The following CABP1 variants were observed in gnomAD, a reference collection of about 807,000 sequenced individuals.
CABP1 encodes the protein calcium binding protein 1, also known as calcium-binding protein 1.
CABP1 carries 17 observed loss-of-function variants against 34.3 expected under a neutral mutation model. The ratio of observed to expected loss-of-function variants is 0.50; its 90% CI spans 0.34 to 0.74. The LOEUF (loss-of-function observed/expected upper bound fraction) is 0.74, where lower values mean the gene tolerates loss of function less well. Among genes scored for constraint, CABP1 ranks in the 30% least tolerant of loss-of-function variants. The pLI is 0.01. For missense variants in CABP1, 373 were observed against 511.1 expected (o/e 0.73, Z 2.61); for synonymous variants, 198 against 229.2 (o/e 0.86, Z 1.23).
intron 1 of CABP1, among the ~76,000 whole-genome samples, chr12:120,651,971 T>A (rs1879874438): frequency 6.6e-6 from 1 of 152,208 alleles, no homozygotes; most frequent in South Asian, 2.1e-4. Context: ...AGAACAAGGA[T>A]TATCCTTCTG....
intron 5 of CABP1, among the ~76,000 whole-genome samples, chr12:120,664,856 C>T (rs1880864316): frequency 1.4e-5 from 2 of 142,598 alleles, no homozygotes; most frequent in African/African-American, 5.3e-5. Flanking sequence ...GCCTGGGCAA[C>T]AGAGCAAGAC....
At chr12:120,656,716 T>A (rs1880248514) in intron 1 of CABP1, among the ~76,000 whole-genome samples, 1 of 152,090 alleles carries the variant, frequency 6.6e-6, no homozygotes. Flanking sequence ...GCCAACATGG[T>A]GAAACCCCAT....
chr12:120,655,788 G>C, intron 1 of CABP1: 1 of 1,500,302 alleles, frequency 6.7e-7, no homozygotes, highest in Non-Finnish European at 8.9e-7. Flanking sequence ...CATGCACTTG[G>C]GTGTGTGATT....
intron 1 of CABP1, among the ~76,000 whole-genome samples, chr12:120,652,955 C>T (rs1207866753): frequency 6.6e-6 from 1 of 152,128 alleles, no homozygotes; most frequent in Non-Finnish European, 1.5e-5. Flanking sequence ...GCAGCCTGCA[C>T]CAGGCTCAGA....
chr12:120,641,696 T>G lies in CABP1; in HGVS notation c.654+357T>G. 1 of 196,296 alleles carries G rather than the reference T, an allele frequency of 5.1e-6. No individual in the cohort carries two copies. 12.2% of individuals were successfully genotyped at this position (196,296 alleles called of 1,614,324 possible). A position where few individuals can be genotyped will look rare whatever the true frequency, so the allele number is the denominator to read the frequency against. On this transcript the variant is annotated intron_variant, in intron 1 of 5. Coordinates refer to ENST00000316803, the MANE Select transcript of CABP1 (RefSeq NM_001033677.2). The surrounding 1 kb of genome is among the most constrained non-coding windows in gnomAD (Gnocchi z 6.7). ...GCAGGTGGCGCCAAACCCACTCCTC[T>G]GGCCTCTGGCCAGTACCGCCAGGGA...
Position 120,641,220 on chromosome 12 carries a change from C to A in CABP1, c.535C>A (p.Leu179Ile). 1 of 1,260,262 alleles carries A rather than the reference C, an allele frequency of 7.9e-7. No homozygotes were observed. The highest frequency in any genetic ancestry group is 1.0e-6 in the Non-Finnish European group (1 of 1,003,624). The allele number at this position is 1,260,262 out of a possible 1,614,324, so 78.1% of individuals were successfully genotyped here. A position where few individuals can be genotyped will look rare whatever the true frequency, so the allele number is the denominator to read the frequency against. ...GGAGGAACGGGGACTGTCCCCGGCGCTCGGCCTCCGGGGCTCTCTGCGAGC... is the reference window on the plus strand; with the variant it reads ...GGAGGAACGGGGACTGTCCCCGGCGATCGGCCTCCGGGGCTCTCTGCGAGC... ...DGEERGLSPA[L>I]GLRGSLRARG... The change falls in exon 1 of 6, where the codon CTC becomes ATC. Residue 179 changes from leucine to isoleucine, a missense_variant. Coordinates refer to ENST00000316803, the MANE Select transcript of CABP1 (RefSeq NM_001033677.2). The surrounding 1 kb of genome is among the most constrained non-coding windows in gnomAD (Gnocchi z 6.7).
chr12:120,641,937 G>T lies in CABP1; in HGVS notation c.654+598G>T, dbSNP rs1249363023. ...AGCTGTGGCTCAAACTGGAACTTTGGGGTGGTTTAAGGAGGCTGTCACTCT... is the reference window on the plus strand; with the variant it reads ...AGCTGTGGCTCAAACTGGAACTTTGTGGTGGTTTAAGGAGGCTGTCACTCT... On this transcript the variant is annotated intron_variant, in intron 1 of 5. Coordinates refer to ENST00000316803, the MANE Select transcript of CABP1 (RefSeq NM_001033677.2). This position sits in a 1 kb window ranked among gnomAD's most constrained non-coding sequence, Gnocchi z 6.7. 2.0e-5 allele frequency among the ~76,000 whole-genome samples: 3 copies of T among 152,122 alleles called. No homozygotes were observed. The highest frequency in any genetic ancestry group is 6.5e-5 in the Admixed American group (1 of 15,280).
At chr12:120,644,132 C>G (rs1457147777) in intron 1 of CABP1, among the ~76,000 whole-genome samples, 3 of 152,172 alleles carry the variant, frequency 2.0e-5, no homozygotes, top group African/African-American at 7.2e-5. Flanking sequence ...CTGTCACTTT[C>G]GATCTCTGTG....
In CABP1 at chr12:120,641,311, GC is replaced by G; in HGVS notation, c.630del (p.Met211CysfsTer65). The G allele has an allele frequency of 7.5e-7, 1 of 1,331,642 alleles. No individual in the cohort carries two copies. The highest frequency in any genetic ancestry group is 2.0e-5 in the South Asian group (1 of 50,672). The allele number at this position is 1,331,642 out of a possible 1,614,324, so 82.5% of individuals were successfully genotyped here. On this transcript the variant is annotated frameshift_variant, in exon 1 of 6. Transcript: ENST00000316803. LOFTEE classifies it high-confidence loss of function. The surrounding 1 kb of genome is among the most constrained non-coding windows in gnomAD (Gnocchi z 6.7). ...SEADPFLHRL[R>X]PMLSSAFGQD... Reference sequence around the variant, plus strand: ...GCGGACCCGTTCCTCCACCGGCTGCGCCCCATGCTCAGCTCCGCCTTTGGCC... The same window carrying G: ...GCGGACCCGTTCCTCCACCGGCTGCGCCCATGCTCAGCTCCGCCTTTGGCC...
rs2137348248 is a variant in CABP1, at chr12:120,655,608, C to T, written c.655-4270C>T. ...GCCCTCACTGCCTTCCAGCGGGGAT[C>T]TGGCTGGAGTAGGACAAGTCTGTTT... On this transcript the variant is annotated intron_variant, in intron 1 of 5. Coordinates refer to ENST00000316803, the MANE Select transcript of CABP1 (RefSeq NM_001033677.2). 3 of 1,332,430 alleles carry T rather than the reference C, an allele frequency of 2.3e-6. No homozygotes were observed. In the South Asian group the frequency reaches 6.7e-5, roughly 30 times the overall value. 82.5% of individuals were successfully genotyped at this position (1,332,430 alleles called of 1,614,324 possible).
downstream of CABP1, among the ~76,000 whole-genome samples, chr12:120,668,305 C>T (rs963404219): frequency 6.6e-6 from 1 of 152,200 alleles, no homozygotes; most frequent in African/African-American, 2.4e-5. Context: ...CAAGACTAAC[C>T]TGACCAACGT....
chr12:120,661,983 C>T lies in CABP1; in HGVS notation c.1087+765C>T, dbSNP rs993217238. On this transcript the variant is annotated intron_variant, in intron 5 of 5. Coordinates refer to ENST00000316803, the MANE Select transcript of CABP1 (RefSeq NM_001033677.2). The surrounding 1 kb of genome is among the most constrained non-coding windows in gnomAD (Gnocchi z 5.1). ...GTGTTCACACTTCTATACTTCCATT[C>T]ACACATTCATGTCTCTTCGTCTGCA... 2.6e-5 allele frequency: 4 copies of T among 152,244 alleles called. No individual in the cohort carries two copies. Among genetic ancestry groups the T allele is most frequent in the African/African-American group, 9.7e-5 (4 of 41,440 alleles). The allele number at this position is 152,244 out of a possible 1,614,324, so 9.4% of individuals were successfully genotyped here. A position where few individuals can be genotyped will look rare whatever the true frequency, so the allele number is the denominator to read the frequency against.
chr12:120,654,135 C>G (rs987708656), intron 1 of CABP1, among the ~76,000 whole-genome samples: 16 of 152,196 alleles, frequency 1.1e-4, no homozygotes, highest in African/African-American at 3.9e-4. Flanking sequence ...GATATCAAAC[C>G]AGGAGGGGCT....
chr12:120,654,991 T>C (rs1322381441), intron 1 of CABP1, among the ~76,000 whole-genome samples: 1 of 152,110 alleles, frequency 6.6e-6, no homozygotes, highest in Non-Finnish European at 1.5e-5. Context: ...GGAGAACTGG[T>C]GGATGGCAGA....
intron 5 of CABP1, among the ~76,000 whole-genome samples, chr12:120,663,509 C>T (rs900060320): frequency 1.3e-5 from 2 of 152,096 alleles, no homozygotes; most frequent in African/African-American, 4.8e-5. Context: ...CTCCTGGCCT[C>T]AAGTGATCCA....
At chr12:120,679,073 C>CAAAAAAAAAAAAAAAAAAAAA in the CABP1 span, among the ~76,000 whole-genome samples, 1 of 87,096 alleles carries the variant, frequency 1.1e-5, no homozygotes. Context: ...ACACCATCTC[C>CAAAAAAAAAAAAAAAAAAAAA]AAAAAAAAAA....
chr12:120,677,507 C>T, the CABP1 span, among the ~76,000 whole-genome samples: 2 of 151,690 alleles, frequency 1.3e-5, no homozygotes, highest in Admixed American at 1.3e-4. Flanking sequence ...AGTGATCCTC[C>T]CACCTCAGCC....
chr12:120,657,201 A>G (rs1177153500), intron 1 of CABP1, among the ~76,000 whole-genome samples: 1 of 152,244 alleles, frequency 6.6e-6, no homozygotes, highest in Non-Finnish European at 1.5e-5. Context: ...AAATTTACAT[A>G]GCCACATGTG....
chr12:120,654,157 T>C (rs912145448), intron 1 of CABP1, among the ~76,000 whole-genome samples: 1 of 152,232 alleles, frequency 6.6e-6, no homozygotes, highest in Non-Finnish European at 1.5e-5. Flanking sequence ...TTGGCCTGTC[T>C]GACATCCCTC....
Sources: allele counts gnomAD v4.1 joint callset (sites outside exome capture counted in the v4.1 genomes callset), GRCh38; gene constraint gnomAD v4.1.1; non-coding constraint Gnocchi (gnomAD v3.1); transcripts MANE v1.5; gene names NCBI Gene and HGNC (gene_info 2026-07-23, HGNC 2026-07-21).